Variants in OR51C1 observed in about 807,000 individuals in gnomAD.
The protein encoded by OR51C1 is olfactory receptor OR51C1.
chr11:4,697,169 C>A, the OR51C1 span, among the ~76,000 whole-genome samples: 62 of 152,216 alleles, frequency 4.1e-4, no homozygotes, highest in Non-Finnish European at 7.5e-4. Flanking sequence ...AAAGTCAGAG[C>A]TGAATTTTTA....
At chr11:4,694,476 A>G in the OR51C1 span, among the ~76,000 whole-genome samples, 948 of 143,226 alleles carry the variant, frequency 6.6e-3, 11 homozygotes, top group African/African-American at 0.023. Flanking sequence ...TAAACTATAC[A>G]TATATATACG....
the OR51C1 span, among the ~76,000 whole-genome samples, chr11:4,693,686 C>T: frequency 8.5e-5 from 13 of 152,126 alleles, no homozygotes; most frequent in Non-Finnish European, 7.4e-5. Context: ...GGCGCCATTG[C>T]ACTCCAACCT....
the OR51C1 span, among the ~76,000 whole-genome samples, chr11:4,695,650 A>C: frequency 1.3e-5 from 2 of 152,146 alleles, no homozygotes; most frequent in Non-Finnish European, 2.9e-5. Flanking sequence ...GATTTTCTAC[A>C]TGCCAAGTCC....
the OR51C1 span, among the ~76,000 whole-genome samples, chr11:4,694,391 T>G: frequency 6.6e-6 from 1 of 151,860 alleles, no homozygotes; most frequent in African/African-American, 2.4e-5. Flanking sequence ...AGAGGGTACC[T>G]TATTCTTTTT....
the OR51C1 span, chr11:4,697,820 C>T: frequency 6.6e-6 from 1 of 152,390 alleles, no homozygotes; most frequent in Non-Finnish European, 1.5e-5. Flanking sequence ...GGTGCTAACT[C>T]ACTGTGTCTT....
At chr11:4,695,219 G>A in the OR51C1 span, among the ~76,000 whole-genome samples, 932 of 152,286 alleles carry the variant, frequency 6.1e-3, 5 homozygotes, top group Admixed American at 0.011. Context: ...ACCACTGGAA[G>A]CAAGGAGCTT....
chr11:4,696,668 C>T, the OR51C1 span, among the ~76,000 whole-genome samples: 17,302 of 152,160 alleles, frequency 0.11, 1,333 homozygotes, highest in Middle Eastern at 0.18. Flanking sequence ...AGAATCTTTC[C>T]GACCCATCCT....
chr11:4,690,838 T>C, the OR51C1 span: 1 of 455,378 alleles, frequency 2.2e-6, no homozygotes, highest in Non-Finnish European at 4.4e-6. Flanking sequence ...ACAGGGTTCA[T>C]CAAAGGGGAG....
At chr11:4,694,604 G>T in the OR51C1 span, among the ~76,000 whole-genome samples, 3 of 143,332 alleles carry the variant, frequency 2.1e-5, no homozygotes, top group Non-Finnish European at 4.6e-5. Flanking sequence ...ACACACATAT[G>T]CAGGGAGCTG....
the OR51C1 span, among the ~76,000 whole-genome samples, chr11:4,692,571 T>C: frequency 6.6e-6 from 1 of 152,220 alleles, no homozygotes; most frequent in African/African-American, 2.4e-5. Context: ...CATTTCTTTT[T>C]TCATAGAGTA....
At chr11:4,693,254 T>C in the OR51C1 span, among the ~76,000 whole-genome samples, 1 of 152,140 alleles carries the variant, frequency 6.6e-6, no homozygotes, top group South Asian at 2.1e-4. Flanking sequence ...AGAAATAAGA[T>C]AAAATGATTT....
At chr11:4,690,704 T>C in the OR51C1 span, 4 of 323,978 alleles carry the variant, frequency 1.2e-5, no homozygotes, top group African/African-American at 2.2e-5. Context: ...ATTGGAAACA[T>C]GACCTGAAGT....
At chr11:4,694,035 C>T in the OR51C1 span, among the ~76,000 whole-genome samples, 4 of 152,288 alleles carry the variant, frequency 2.6e-5, no homozygotes, top group Non-Finnish European at 5.9e-5. Context: ...TTAGTTCCTA[C>T]GCAATATCTG....
the OR51C1 span, among the ~76,000 whole-genome samples, chr11:4,694,524 A>G: frequency 9.2e-5 from 13 of 141,406 alleles, no homozygotes; most frequent in African/African-American, 3.3e-4. Flanking sequence ...ATATATATAC[A>G]CACACACATA....
chr11:4,691,532 G>T, the OR51C1 span: 2 of 456,990 alleles, frequency 4.4e-6, no homozygotes, highest in African/African-American at 4.0e-5. Flanking sequence ...TTGGTTCGTG[G>T]AGGCTGGGCT....
At chr11:4,694,228 G>A in the OR51C1 span, among the ~76,000 whole-genome samples, 6 of 151,478 alleles carry the variant, frequency 4.0e-5, no homozygotes, top group South Asian at 2.1e-4. Context: ...TTCTTGCCAA[G>A]AGATCATAAA....
chr11:4,694,495 T>C, the OR51C1 span, among the ~76,000 whole-genome samples: 8 of 145,092 alleles, frequency 5.5e-5, no homozygotes, highest in East Asian at 2.1e-3. Context: ...CGTGTATATA[T>C]ATATATACAC....
the OR51C1 span, among the ~76,000 whole-genome samples, chr11:4,692,615 T>C: frequency 1.5e-3 from 235 of 152,130 alleles, 1 homozygote; most frequent in Non-Finnish European, 2.9e-3. Flanking sequence ...ATGGGTATGG[T>C]TGAGTTGAAG....
the OR51C1 span, chr11:4,690,833 G>A: frequency 4.2e-5 from 19 of 454,346 alleles, no homozygotes; most frequent in Admixed American, 4.5e-4. Context: ...AGATGACAGG[G>A]TTCATCAAAG....
Sources: gnomAD v4.1 joint callset for allele counts (sites outside exome capture counted in the v4.1 genomes callset) on GRCh38, gnomAD v4.1.1 for gene constraint, MANE v1.5 for transcripts, NCBI Gene and HGNC (gene_info 2026-07-23, HGNC 2026-07-21) for gene names.